The following STX8 variants were observed in gnomAD, a reference collection of about 807,000 sequenced individuals.
STX8 encodes the protein syntaxin 8.
A neutral mutation model predicts 37.5 loss-of-function variants in STX8; 23 were observed. That is an observed-to-expected ratio of 0.61 (90% CI 0.44 to 0.87). The LOEUF (loss-of-function observed/expected upper bound fraction) is 0.87, where lower values mean the gene tolerates loss of function less well. Ranked by LOEUF, STX8 falls within the 40% of genes least tolerant of loss-of-function variation. The pLI is 0.00. For missense variants in STX8, 313 were observed against 284.7 expected, an observed-to-expected ratio of 1.10 and a Z score of -0.71; for synonymous variants, 115 against 99.1, an observed-to-expected ratio of 1.16 and a Z score of -0.95.
chr17:9,377,911 A>G (rs1396473632), intron 7 of STX8: 1 of 152,430 alleles, frequency 6.6e-6, no homozygotes, highest in Non-Finnish European at 1.5e-5. Context: ...TGCACCGGCA[A>G]TACACAATTT....
chr17:9,327,007 A>T (rs1740634240), intron 7 of STX8, among the ~76,000 whole-genome samples: 1 of 152,060 alleles, frequency 6.6e-6, no homozygotes, highest in African/African-American at 2.4e-5. Flanking sequence ...AAAATACAAA[A>T]TTAGCCGGGC....
intron 7 of STX8, among the ~76,000 whole-genome samples, chr17:9,324,765 CAAAAAAAAAAAAAAA>C (rs534392223): frequency 2.2e-5 from 1 of 45,944 alleles, no homozygotes; most frequent in African/African-American, 7.4e-5. Flanking sequence ...AACTCCATCT[CAAAAAAAAAAAAAAA>C]AAAAAAAGAG....
At chr17:9,573,999 G>A (rs976843998) in intron 1 of STX8, among the ~76,000 whole-genome samples, 3 of 152,032 alleles carry the variant, frequency 2.0e-5, no homozygotes, top group East Asian at 1.9e-4. Flanking sequence ...GGCCAGGTGC[G>A]GTGGCTCACA....
intron 6 of STX8, among the ~76,000 whole-genome samples, chr17:9,392,243 T>A (rs561967127): frequency 1.6e-4 from 24 of 152,086 alleles, no homozygotes; most frequent in Non-Finnish European, 2.9e-4. Flanking sequence ...TCCGGAAAAT[T>A]TCAAGTTGCA....
In STX8 at chr17:9,263,411, G is replaced by A. The variant is rs142615810; in HGVS notation, c.644-12766C>T. Among the ~76,000 whole-genome samples the A allele has an allele frequency of 2.8e-4, 43 of 152,116 alleles. No individual in the cohort carries two copies. In the East Asian group the frequency reaches 6.4e-3, roughly 23 times the overall value. On this transcript the variant is annotated intron_variant, in intron 7 of 7. Transcript: ENST00000306357. Reference sequence around the variant, plus strand: ...AGGAGATCGCTTGAACCTGGGAGGCGGAGGTTGCAGTGAGCCGAGATCGCG... The same window carrying A: ...AGGAGATCGCTTGAACCTGGGAGGCAGAGGTTGCAGTGAGCCGAGATCGCG...
chr17:9,520,389 G>A lies in STX8; in HGVS notation c.324-15227C>T, dbSNP rs1267934238. Among the ~76,000 whole-genome samples the A allele has an allele frequency of 2.0e-5, 3 of 152,146 alleles. No individual in the cohort carries two copies. The East Asian group carries it at 5.8e-4, about 29-fold the overall frequency. ...TCAGCCTCACTTTTGGAAATGACAAGTAAGAGGCATTTTTCCTCTGCAAAG... is the reference window on the plus strand; with the variant it reads ...TCAGCCTCACTTTTGGAAATGACAAATAAGAGGCATTTTTCCTCTGCAAAG... On this transcript the variant is annotated intron_variant, in intron 4 of 7. Transcript: ENST00000306357.
intron 6 of STX8, among the ~76,000 whole-genome samples, chr17:9,446,716 T>C (rs1191299239): frequency 6.6e-6 from 1 of 152,178 alleles, no homozygotes; most frequent in Non-Finnish European, 1.5e-5. Flanking sequence ...GTGAAAAGGT[T>C]TGAGATAGCA....
Position 9,475,075 on chromosome 17 carries a change from T to C in STX8, c.541+16754A>G, listed in dbSNP as rs1482652061. On this transcript the variant is annotated intron_variant, in intron 6 of 7. Transcript: ENST00000306357. ...TAGATACTATGACCTGGTAAAAAAA[T>C]GCAAAAGAGAGAGACTTTGAGCTCC... Among the ~76,000 whole-genome samples, 6 of 152,044 alleles carry C rather than the reference T, an allele frequency of 3.9e-5. No homozygotes were observed. The East Asian group carries it at 5.8e-4, about 15-fold the overall frequency.
intron 7 of STX8, among the ~76,000 whole-genome samples, chr17:9,358,515 C>A (rs1910954604): frequency 6.6e-6 from 1 of 152,202 alleles, no homozygotes; most frequent in African/African-American, 2.4e-5. Flanking sequence ...CAGAATGTAT[C>A]ATAAAGTTAT....
At chr17:9,379,102 G>T (rs191500537) in intron 6 of STX8, among the ~76,000 whole-genome samples, 1 of 151,892 alleles carries the variant, frequency 6.6e-6, no homozygotes, top group Non-Finnish European at 1.5e-5. Flanking sequence ...AAAATTAGCC[G>T]GGTGTGGTGG....
intron 4 of STX8, among the ~76,000 whole-genome samples, chr17:9,518,817 C>T (rs147961654): frequency 6.2e-4 from 93 of 149,622 alleles, no homozygotes; most frequent in Admixed American, 1.7e-3. Flanking sequence ...ACAGTGGAGC[C>T]GAGATCGTGC....
chr17:9,438,969 C>G (rs950592403), intron 6 of STX8, among the ~76,000 whole-genome samples: 1 of 152,056 alleles, frequency 6.6e-6, no homozygotes, highest in Non-Finnish European at 1.5e-5. Flanking sequence ...CATAGTCAAA[C>G]AAACATGGCT....
At chr17:9,435,476 T>C (rs540583059) in intron 6 of STX8, among the ~76,000 whole-genome samples, 14 of 152,314 alleles carry the variant, frequency 9.2e-5, no homozygotes, top group African/African-American at 3.4e-4. Flanking sequence ...TGCTTAACGA[T>C]ATGCATGCTG....
intron 7 of STX8, among the ~76,000 whole-genome samples, chr17:9,334,569 G>A (rs9897076): frequency 0.15 from 22,485 of 152,118 alleles, 1,841 homozygotes; most frequent in African/African-American, 0.21. Flanking sequence ...GGCTTGGGAA[G>A]TGAGAAAAGT....
chr17:9,251,146 T>C (rs1429081636), intron 7 of STX8, among the ~76,000 whole-genome samples: 5 of 152,262 alleles, frequency 3.3e-5, no homozygotes, highest in Non-Finnish European at 7.3e-5. Flanking sequence ...GGTGCTTGTT[T>C]TGATATATAC....
At chr17:9,520,740 C>T (rs1242666819) in intron 4 of STX8, among the ~76,000 whole-genome samples, 2 of 152,124 alleles carry the variant, frequency 1.3e-5, no homozygotes, top group Admixed American at 6.5e-5. Flanking sequence ...GAAGTTGAAG[C>T]TTGTTAGAGT....
At chr17:9,502,830 C>T (rs555867192) in intron 5 of STX8, among the ~76,000 whole-genome samples, 2 of 152,112 alleles carry the variant, frequency 1.3e-5, no homozygotes, top group African/African-American at 2.4e-5. Flanking sequence ...AGGCCGGGCG[C>T]GGTGGCTCAT....
At chr17:9,255,275 C>T (rs1460479668) in intron 7 of STX8, among the ~76,000 whole-genome samples, 1 of 148,762 alleles carries the variant, frequency 6.7e-6, no homozygotes, top group African/African-American at 2.5e-5. Context: ...GCCTGTAATC[C>T]CAGCACTTTG....
intron 6 of STX8, among the ~76,000 whole-genome samples, chr17:9,425,603 T>G (rs17741680): frequency 0.23 from 35,243 of 152,064 alleles, 4,288 homozygotes; most frequent in Middle Eastern, 0.29. Flanking sequence ...AAGCAAACCA[T>G]GTAAAAAATG....
Sources: allele counts gnomAD v4.1 joint callset (sites outside exome capture counted in the v4.1 genomes callset), GRCh38; gene constraint gnomAD v4.1.1; transcripts MANE v1.5; gene names NCBI Gene and HGNC (gene_info 2026-07-23, HGNC 2026-07-21).